TP63: variants seen among roughly 807,000 people sequenced by gnomAD.
The protein encoded by TP63 is tumor protein 63.
Under a neutral mutation model 82.8 loss-of-function variants are expected in TP63, and 17 were observed. The observed-to-expected ratio is 0.21, with a 90% confidence interval of 0.14 to 0.31. TP63 has a LOEUF of 0.31. Among genes scored for constraint, TP63 ranks in the 10% least tolerant of loss-of-function variants. The pLI is 1.00. For missense variants in TP63, 648 were observed against 895.3 expected, an observed-to-expected ratio of 0.72 and a Z score of 3.52; for synonymous variants, 330 against 321.7, an observed-to-expected ratio of 1.03 and a Z score of -0.28.
chr3:189,598,168 A>G, the TP63 span, among the ~76,000 whole-genome samples: 1 of 152,136 alleles, frequency 6.6e-6, no homozygotes, highest in Admixed American at 6.5e-5. Context: ...ATGAAAAATA[A>G]GAAAAGATTT....
chr3:189,784,788 C>T (rs571971934), intron 3 of TP63, among the ~76,000 whole-genome samples: 79 of 152,172 alleles, frequency 5.2e-4, no homozygotes, highest in Non-Finnish European at 7.2e-4. Flanking sequence ...TAGCCTCAGA[C>T]TAAAAATTGA....
chr3:189,867,489 T>C (rs1306917240), intron 6 of TP63, among the ~76,000 whole-genome samples: 1 of 152,236 alleles, frequency 6.6e-6, no homozygotes, highest in Non-Finnish European at 1.5e-5. Context: ...GCTACTGTTT[T>C]TGGCAATTAT....
At chr3:189,856,308 G>A (rs968083725) in intron 4 of TP63, among the ~76,000 whole-genome samples, 1 of 151,346 alleles carries the variant, frequency 6.6e-6, no homozygotes, top group African/African-American at 2.4e-5. Context: ...TGGTTATGAG[G>A]ACTGATAAAA....
At position 189,664,903 on chromosome 3, in the gene TP63, G is replaced by A. The variant is rs184276987; in HGVS notation, c.62+33326G>A. Among the ~76,000 whole-genome samples the A allele has an allele frequency of 2.6e-4, 39 of 152,128 alleles. 1 individual carries two copies. Among genetic ancestry groups the A allele is most frequent in the African/African-American group, 8.7e-4 (36 of 41,512 alleles). ...GCTGGTGGGGAGACAGTGTTGTATC[G>A]GAGCTAGCTTGTACCTGCTCATACC... On this transcript the variant is annotated intron_variant, in intron 1 of 13. Transcript: ENST00000264731.
In TP63 at chr3:189,807,077, AT is replaced by A. The variant is rs200618705; in HGVS notation, c.325-1186del. 2.0e-5 allele frequency among the ~76,000 whole-genome samples: 3 copies of A among 151,636 alleles called. 1 individual carries two copies. The highest frequency in any genetic ancestry group is 4.8e-5 in the African/African-American group (2 of 41,320). ...TAGGACTGCCTTAATCTTGCTTTTGATTTTTTTTTCTCATTCATTAGGTTGA... is the reference window on the plus strand; with the variant it reads ...TAGGACTGCCTTAATCTTGCTTTTGATTTTTTTTCTCATTCATTAGGTTGA... On this transcript the variant is annotated intron_variant, in intron 3 of 13. Coordinates refer to ENST00000264731, the MANE Select transcript of TP63 (RefSeq NM_003722.5).
At chr3:189,651,094 C>A (rs987975877) in intron 1 of TP63, among the ~76,000 whole-genome samples, 5 of 147,420 alleles carry the variant, frequency 3.4e-5, no homozygotes, top group African/African-American at 1.3e-4. Flanking sequence ...AAGAGACTGG[C>A]AGCATTTTGC....
chr3:189,894,166 CCT>C, intron 13 of TP63, 38 bp from the exon 14 acceptor site: 1 of 1,613,472 alleles, frequency 6.2e-7, no homozygotes, highest in Non-Finnish European at 8.5e-7. Context: ...CGTTTTTCTC[CCT>C]GTTTTCATTC....
chr3:189,862,156 A>G (rs976883877), intron 4 of TP63, among the ~76,000 whole-genome samples: 4 of 152,152 alleles, frequency 2.6e-5, no homozygotes, highest in Admixed American at 2.0e-4. Flanking sequence ...TGTTATGCAA[A>G]CTACTATTTT....
intron 1 of TP63, among the ~76,000 whole-genome samples, chr3:189,712,593 G>T (rs1718674270): frequency 6.6e-6 from 1 of 152,102 alleles, no homozygotes; most frequent in Non-Finnish European, 1.5e-5. Flanking sequence ...CCATTCATGA[G>T]GAGAGGCAGT....
At chr3:189,718,779 A>G (rs960534075) in intron 1 of TP63, among the ~76,000 whole-genome samples, 2 of 152,074 alleles carry the variant, frequency 1.3e-5, no homozygotes, top group East Asian at 1.9e-4. Context: ...TAGAGAACCT[A>G]TACATGTAAG....
At chr3:189,841,919 C>T (rs1026874492) in intron 4 of TP63, among the ~76,000 whole-genome samples, 3 of 152,142 alleles carry the variant, frequency 2.0e-5, no homozygotes, top group Admixed American at 6.6e-5. Context: ...TAAAACATAT[C>T]TCAGGCAGGA....
the TP63 span, among the ~76,000 whole-genome samples, chr3:189,603,650 TAAAAAAAAAA>T: frequency 2.0e-5 from 1 of 50,740 alleles, no homozygotes; most frequent in African/African-American, 8.1e-5. Flanking sequence ...TTGCCTTCAT[TAAAAAAAAAA>T]AAAAAAAAAA....
intron 3 of TP63, among the ~76,000 whole-genome samples, chr3:189,798,427 G>A: frequency 6.6e-6 from 1 of 151,896 alleles, no homozygotes; most frequent in Non-Finnish European, 1.5e-5. Flanking sequence ...GATTTGTTTG[G>A]TATCAAGTAA....
intron 3 of TP63, among the ~76,000 whole-genome samples, chr3:189,746,965 G>T (rs182597584): frequency 3.3e-5 from 5 of 150,660 alleles, no homozygotes; most frequent in African/African-American, 2.4e-5. Context: ...CTATACTTCC[G>T]TCAGATAAAA....
chr3:189,869,298 T>C (rs1453956566), intron 8 of TP63, 26 bp from the exon 9 acceptor site: 6 of 1,597,238 alleles, frequency 3.8e-6, no homozygotes, highest in Non-Finnish European at 3.4e-6. Context: ...GTTCCCAGGA[T>C]GAAACTTGCA....
chr3:189,728,418 G>C (rs551953863), intron 1 of TP63, among the ~76,000 whole-genome samples: 1 of 152,242 alleles, frequency 6.6e-6, no homozygotes, highest in East Asian at 1.9e-4. Flanking sequence ...CAGGTTGAGG[G>C]TGTGAACCCA....
At chr3:189,874,173 G>T (rs1718760847) in intron 10 of TP63, among the ~76,000 whole-genome samples, 1 of 152,072 alleles carries the variant, frequency 6.6e-6, no homozygotes, top group Admixed American at 6.6e-5. Flanking sequence ...GGGTTCAAGT[G>T]ATTCTCCTGC....
In TP63 at chr3:189,866,152, A is replaced by G. The variant is rs560542484; in HGVS notation, c.767-530A>G. 5.3e-5 allele frequency among the ~76,000 whole-genome samples: 8 copies of G among 152,248 alleles called. No homozygotes were observed. In the South Asian group the frequency reaches 1.2e-3, roughly 24 times the overall value. On this transcript the variant is annotated intron_variant, in intron 5 of 13. Coordinates refer to ENST00000264731, the MANE Select transcript of TP63 (RefSeq NM_003722.5). The stretch of plus-strand genomic sequence containing the variant: ...ACCCAACTTGGGACTCCTTCAACAC[A>G]CAAACACCAGAACGTTTCTTATCTT...
At chr3:189,883,718 ATCCTGCG>A (rs1560299109) in intron 10 of TP63, among the ~76,000 whole-genome samples, 1 of 152,180 alleles carries the variant, frequency 6.6e-6, no homozygotes, top group Admixed American at 6.5e-5. Flanking sequence ...CTTGTACAAC[ATCCTGCG>A]TCACTAAGTT....
Sources: allele counts gnomAD v4.1 joint callset (sites outside exome capture counted in the v4.1 genomes callset), GRCh38; gene constraint gnomAD v4.1.1; transcripts MANE v1.5; gene names NCBI Gene and HGNC (gene_info 2026-07-23, HGNC 2026-07-21).